GALNT13: variants seen among roughly 807,000 people sequenced by gnomAD.
GALNT13 encodes polypeptide N-acetylgalactosaminyltransferase 13.
GALNT13 carries 28 observed loss-of-function variants against 64.2 expected under a neutral mutation model. That is an observed-to-expected ratio of 0.44 (90% CI 0.32 to 0.60). The LOEUF (loss-of-function observed/expected upper bound fraction) is 0.60. Among genes scored for constraint, GALNT13 ranks in the 20% least tolerant of loss-of-function variants. GALNT13 has a pLI of 0.05. For missense variants in GALNT13, 577 were observed against 669.8 expected (o/e 0.86, Z 1.53); for synonymous variants, 214 against 224.6 (o/e 0.95, Z 0.42).
chr2:153,896,850 A>G, intron 1 of GALNT13, among the ~76,000 whole-genome samples: 1 of 152,330 alleles, frequency 6.6e-6, no homozygotes, highest in East Asian at 1.9e-4. Context: ...CTAGATTAAA[A>G]TAAAACCTTT....
chr2:153,994,324 C>CAT (rs2105198958), intron 3 of GALNT13, among the ~76,000 whole-genome samples: 1 of 152,338 alleles, frequency 6.6e-6, no homozygotes, highest in East Asian at 1.9e-4. Flanking sequence ...CATTGATGGA[C>CAT]ATTTGGGTTG....
In GALNT13 at chr2:154,042,349, T is replaced by C. The variant is rs111517020; in HGVS notation, c.142+97710T>C. 3.0e-3 allele frequency among the ~76,000 whole-genome samples: 428 copies of C among 140,346 alleles called. 22 individuals are homozygous for C. Among genetic ancestry groups the C allele is most frequent in the African/African-American group, 9.9e-3 (406 of 40,954 alleles). 92.1% of individuals were successfully genotyped at this position (140,346 alleles called of 152,430 possible). A position where few individuals can be genotyped will look rare whatever the true frequency, so the allele number is the denominator to read the frequency against. ...ATGTGCTGCTCATAATTTTAAATAC[T>C]GTACTGAGGATTTGCTCCCTACTTT... On this transcript the variant is annotated intron_variant, in intron 3 of 12. Transcript: ENST00000392825.
chr2:153,745,334 C>T, the GALNT13 span, among the ~76,000 whole-genome samples: 392 of 152,220 alleles, frequency 2.6e-3, 1 homozygote, highest in Non-Finnish European at 4.3e-3. Flanking sequence ...ACAGGACTTA[C>T]GAAACTACTT....
chr2:153,358,713 A>T, the GALNT13 span, among the ~76,000 whole-genome samples: 2 of 152,264 alleles, frequency 1.3e-5, no homozygotes, highest in African/African-American at 2.4e-5. Context: ...AATATATATA[A>T]AACTATATAG....
At chr2:154,408,802 T>C (rs951260539) in intron 10 of GALNT13, among the ~76,000 whole-genome samples, 182 bp from the exon 11 acceptor site, 1 of 152,050 alleles carries the variant, frequency 6.6e-6, no homozygotes, top group Non-Finnish European at 1.5e-5. Context: ...TAGAAATGTA[T>C]ACAGGTTAAG....
intron 2 of GALNT13, among the ~76,000 whole-genome samples, chr2:153,916,110 T>C (rs1184309475): frequency 6.7e-6 from 1 of 150,168 alleles, no homozygotes; most frequent in Non-Finnish European, 1.5e-5. Context: ...TGTCCTTCCT[T>C]CCTCCCTTCC....
the GALNT13 span, among the ~76,000 whole-genome samples, chr2:153,445,175 T>C: frequency 6.4e-4 from 98 of 152,242 alleles, no homozygotes; most frequent in African/African-American, 2.1e-3. Flanking sequence ...CAAATACTTA[T>C]ATGAAAACAT....
At chr2:154,111,976 A>G (rs1703011748) in intron 3 of GALNT13, among the ~76,000 whole-genome samples, 1 of 152,182 alleles carries the variant, frequency 6.6e-6, no homozygotes, top group African/African-American at 2.4e-5. Context: ...GTGGAATACC[A>G]TGATGGTGGA....
chr2:153,270,779 G>C, the GALNT13 span, among the ~76,000 whole-genome samples: 1 of 152,238 alleles, frequency 6.6e-6, no homozygotes, highest in African/African-American at 2.4e-5. Context: ...TTGAACTTGG[G>C]AGGTCGAGGC....
chr2:154,223,448 CTT>C (rs61230257), intron 4 of GALNT13, among the ~76,000 whole-genome samples: 210 of 124,286 alleles, frequency 1.7e-3, no homozygotes, highest in Middle Eastern at 0.011. Flanking sequence ...TTTTCTTTTT[CTT>C]TTTTTTTTTT....
At chr2:154,221,779 G>A (rs1355268125) in intron 4 of GALNT13, among the ~76,000 whole-genome samples, 3 of 152,074 alleles carry the variant, frequency 2.0e-5, no homozygotes, top group Non-Finnish European at 4.4e-5. Flanking sequence ...TTCAAATGAA[G>A]TTTGTTCTTT....
the GALNT13 span, among the ~76,000 whole-genome samples, chr2:153,251,546 T>C: frequency 1.3e-5 from 2 of 152,100 alleles, no homozygotes; most frequent in Non-Finnish European, 2.9e-5. Context: ...TGTATACATG[T>C]GCCATGCTGG....
intron 8 of GALNT13, among the ~76,000 whole-genome samples, chr2:154,279,514 G>C (rs1195712218): frequency 6.6e-6 from 1 of 152,114 alleles, no homozygotes; most frequent in Non-Finnish European, 1.5e-5. Context: ...GAAAATTTTG[G>C]ATTAATCACA....
At chr2:154,448,168 G>C (rs542678371) in intron 12 of GALNT13, among the ~76,000 whole-genome samples, 14 of 151,962 alleles carry the variant, frequency 9.2e-5, no homozygotes, top group South Asian at 2.1e-4. Flanking sequence ...AAAACATTTA[G>C]AATTACAAGT....
intron 9 of GALNT13, among the ~76,000 whole-genome samples, chr2:154,327,234 C>T (rs887622154): frequency 2.0e-5 from 3 of 152,048 alleles, no homozygotes; most frequent in Non-Finnish European, 4.4e-5. Context: ...TGAAGGTCGC[C>T]TTTGCCTTCC....
At chr2:154,326,744 GACCTAAGAATCA>G (rs1694896280) in intron 9 of GALNT13, among the ~76,000 whole-genome samples, 1 of 152,024 alleles carries the variant, frequency 6.6e-6, no homozygotes, top group African/African-American at 2.4e-5. Flanking sequence ...AATAAGAACT[GACCTAAGAATCA>G]AAATAGTCTG....
intron 3 of GALNT13, among the ~76,000 whole-genome samples, chr2:154,035,223 T>A (rs1384747469): frequency 6.6e-6 from 1 of 152,114 alleles, no homozygotes; most frequent in African/African-American, 2.4e-5. Context: ...TCTCTTATGG[T>A]ATGTGCGTTT....
chr2:153,459,322 T>C, the GALNT13 span, among the ~76,000 whole-genome samples: 9 of 152,082 alleles, frequency 5.9e-5, no homozygotes, highest in East Asian at 1.9e-4. Context: ...TTTATATTGA[T>C]TACAAAAGAA....
the GALNT13 span, chr2:153,357,490 A>G: frequency 3.3e-5 from 5 of 152,258 alleles, no homozygotes; most frequent in Non-Finnish European, 5.9e-5. Context: ...AAGAAGTTCT[A>G]CTTGCCTGTG....
Sources: gnomAD v4.1 joint callset for allele counts (sites outside exome capture counted in the v4.1 genomes callset) on GRCh38, gnomAD v4.1.1 for gene constraint, MANE v1.5 for transcripts, NCBI Gene and HGNC (gene_info 2026-07-23, HGNC 2026-07-21) for gene names.